The following DOCK10 variants were observed in gnomAD, a reference collection of about 807,000 sequenced individuals.
The protein encoded by DOCK10 is dedicator of cytokinesis 10, also known as dedicator of cytokinesis protein 10.
In DOCK10, 145 loss-of-function variants were observed where a neutral mutation model predicts 280.1. That is an observed-to-expected ratio of 0.52 (90% CI 0.45 to 0.59). DOCK10 has a LOEUF of 0.59. Among genes scored for constraint, DOCK10 ranks in the 20% least tolerant of loss-of-function variants. The probability of loss-of-function intolerance (pLI) is 0.00; values close to 1 mark genes in which losing one functional copy is unlikely to be tolerated. For synonymous variants in DOCK10, 915 were observed against 942.2 expected (o/e 0.97, Z 0.53); for missense variants, 2,368 against 2,651.7 (o/e 0.89, Z 2.35).
At chr2:224,962,953 T>C (rs994338299) in intron 1 of DOCK10, among the ~76,000 whole-genome samples, 2 of 152,212 alleles carry the variant, frequency 1.3e-5, no homozygotes, top group African/African-American at 4.8e-5. Context: ...GTATATGAAT[T>C]TGTTGCCAGC....
At chr2:224,822,973 G>GC (rs1553578227) in intron 28 of DOCK10, among the ~76,000 whole-genome samples, 1 of 145,096 alleles carries the variant, frequency 6.9e-6, no homozygotes, top group Non-Finnish European at 1.5e-5. Flanking sequence ...TCTAACCTTA[G>GC]TTTTTTTTTT....
intron 19 of DOCK10, 27 bp downstream of exon 19, chr2:224,849,480 T>TG: frequency 1.3e-6 from 2 of 1,541,692 alleles, no homozygotes; most frequent in Non-Finnish European, 1.8e-6. Context: ...TAGGAACCGC[T>TG]GGGGGCAGTG....
chr2:224,973,497 A>G (rs923491807), intron 1 of DOCK10, among the ~76,000 whole-genome samples: 2 of 152,134 alleles, frequency 1.3e-5, no homozygotes, highest in African/African-American at 2.4e-5. Context: ...AACCAGGACC[A>G]CAAACCAAGG....
intron 1 of DOCK10, among the ~76,000 whole-genome samples, chr2:224,934,559 A>G (rs2126037500): frequency 6.6e-6 from 1 of 152,372 alleles, no homozygotes; most frequent in East Asian, 1.9e-4. Context: ...GAGAATCCGG[A>G]CTACATAACC....
intron 1 of DOCK10, among the ~76,000 whole-genome samples, chr2:225,015,261 G>T (rs1689559660): frequency 6.6e-6 from 1 of 152,136 alleles, no homozygotes; most frequent in South Asian, 2.1e-4. Context: ...CTGGAAGATA[G>T]TCAAAATAAA....
intron 4 of DOCK10, among the ~76,000 whole-genome samples, chr2:224,888,737 T>C (rs538313720): frequency 2.0e-5 from 3 of 149,020 alleles, no homozygotes; most frequent in Admixed American, 1.3e-4. Flanking sequence ...TGTGAATATA[T>C]GTGTGTATGT....
chr2:224,789,706 C>T (rs1449795418), intron 47 of DOCK10, among the ~76,000 whole-genome samples: 3 of 151,848 alleles, frequency 2.0e-5, no homozygotes, highest in African/African-American at 2.4e-5. Flanking sequence ...TGCCATTGTA[C>T]TCCAGCCTGG....
intron 50 of DOCK10, among the ~76,000 whole-genome samples, chr2:224,781,242 G>A (rs527434991): frequency 6.6e-6 from 1 of 152,282 alleles, no homozygotes; most frequent in South Asian, 2.1e-4. Flanking sequence ...ATTATAAAAG[G>A]TCTGTTGAAG....
chr2:224,964,049 G>A (rs867690946), intron 1 of DOCK10, among the ~76,000 whole-genome samples: 6 of 132,432 alleles, frequency 4.5e-5, no homozygotes, highest in African/African-American at 5.8e-5. Flanking sequence ...TTATATTTTC[G>A]AAATACCTAT....
intron 7 of DOCK10, among the ~76,000 whole-genome samples, chr2:224,877,799 A>C (rs1236501073): frequency 1.3e-5 from 2 of 152,234 alleles, no homozygotes; most frequent in Non-Finnish European, 2.9e-5. Flanking sequence ...TGGAACATAC[A>C]TTCAAAGTGG....
chr2:224,944,936 C>T (rs150206992), intron 1 of DOCK10, among the ~76,000 whole-genome samples: 523 of 152,038 alleles, frequency 3.4e-3, no homozygotes, highest in African/African-American at 0.012. Context: ...GGGAAAATAC[C>T]GCGTCCTTAC....
intron 3 of DOCK10, among the ~76,000 whole-genome samples, chr2:224,897,103 T>C (rs74880676): frequency 0.012 from 1,847 of 152,310 alleles, 20 homozygotes; most frequent in Non-Finnish European, 0.02. Flanking sequence ...TTTGTCATGA[T>C]TTTAGCCCAT....
At chr2:225,027,247 G>A (rs983983582) in intron 1 of DOCK10, among the ~76,000 whole-genome samples, 16 of 152,162 alleles carry the variant, frequency 1.1e-4, no homozygotes, top group Non-Finnish European at 2.2e-4. Flanking sequence ...GTCACCTTTC[G>A]TGACAGTCTA....
chr2:224,901,681 G>C (rs752682882), intron 3 of DOCK10, among the ~76,000 whole-genome samples: 1 of 152,190 alleles, frequency 6.6e-6, no homozygotes, highest in African/African-American at 2.4e-5. Flanking sequence ...AGAATCTCTA[G>C]AGGGAGTGCC....
At position 225,018,525 on chromosome 2, in the gene DOCK10, A is replaced by AATATATATGTAATATTATATATATATG; in HGVS notation, c.123+23726_123+23727insCATATATATATAATATTACATATATAT. ...TATATATGTAATATTATATATATAT[A>AATATATATGTAATATTATATATATATG]ATATATATGTAATATTATATATATA... On this transcript the variant is annotated intron_variant, in intron 1 of 55. Transcript: ENST00000258390. Among the ~76,000 whole-genome samples the AATATATATGTAATATTATATATATATG allele has an allele frequency of 1.1e-4, 4 of 36,346 alleles. 1 individual carries two copies. The highest frequency in any genetic ancestry group is 3.4e-4 in the African/African-American group (4 of 11,814). The allele number at this position is 36,346 out of a possible 152,430, so 23.8% of individuals were successfully genotyped here.
rs758017836 is a variant in DOCK10, at chr2:224,770,597, TG to T, written c.6252del (p.Asn2085MetfsTer10). ...MAYARAFLEE[T>X]NAKKYPDNQV... Reference sequence around the variant, plus strand: ...TGGTTGTCAGGGTACTTCTTTGCATTGGTTTCTTCAAGAAAAGCTCGTGCAT... The same window carrying T: ...TGGTTGTCAGGGTACTTCTTTGCATTGTTTCTTCAAGAAAAGCTCGTGCAT... On this transcript the variant is annotated frameshift_variant, in exon 54 of 56. Coordinates refer to ENST00000258390, the MANE Select transcript of DOCK10 (RefSeq NM_014689.3). LOFTEE classifies it high-confidence loss of function. This position sits in a 1 kb window ranked among gnomAD's most constrained non-coding sequence, Gnocchi z 4.5. 1.2e-6 allele frequency: 2 copies of T among 1,613,914 alleles called. No individual in the cohort carries two copies. The highest frequency in any genetic ancestry group is 1.7e-6 in the Non-Finnish European group (2 of 1,179,882).
intron 4 of DOCK10, among the ~76,000 whole-genome samples, chr2:224,886,887 CA>C (rs1311479042): frequency 1.9e-4 from 20 of 103,548 alleles, no homozygotes; most frequent in African/African-American, 1.0e-3. Flanking sequence ...GCACCCCCAA[CA>C]CCCCCCCAAG....
At chr2:224,997,412 A>G (rs1706305583) in intron 1 of DOCK10, among the ~76,000 whole-genome samples, 1 of 152,034 alleles carries the variant, frequency 6.6e-6, no homozygotes, top group Non-Finnish European at 1.5e-5. Flanking sequence ...TTGTATTTTT[A>G]GTAGAGATGG....
At chr2:224,960,554 G>C (rs1704305423) in intron 1 of DOCK10, among the ~76,000 whole-genome samples, 1 of 151,846 alleles carries the variant, frequency 6.6e-6, no homozygotes, top group Non-Finnish European at 1.5e-5. Flanking sequence ...GTCCTTTCAA[G>C]GGCCAAAAAG....
Sources: allele counts gnomAD v4.1 joint callset (sites outside exome capture counted in the v4.1 genomes callset), GRCh38; gene constraint gnomAD v4.1.1; non-coding constraint Gnocchi (gnomAD v3.1); transcripts MANE v1.5; gene names NCBI Gene and HGNC (gene_info 2026-07-23, HGNC 2026-07-21).